CRPPA: variants seen among roughly 807,000 people sequenced by gnomAD.
The protein encoded by CRPPA is D-ribitol-5-phosphate cytidylyltransferase.
In CRPPA, 43 loss-of-function variants were observed where a neutral mutation model predicts 52.0. The observed-to-expected ratio is 0.83, with a 90% CI of 0.65 to 1.07. CRPPA has a LOEUF of 1.07. Among genes scored for constraint, CRPPA ranks in the 50% least tolerant of loss-of-function variants. The pLI, the probability that CRPPA is intolerant of heterozygous loss-of-function variation, is 0.00. For missense variants in CRPPA, 629 were observed against 551.7 expected, an observed-to-expected ratio of 1.14 and a Z score of -1.40; for synonymous variants, 250 against 203.5, an observed-to-expected ratio of 1.23 and a Z score of -1.94.
chr7:16,114,826 A>G (rs987933), intron 9 of CRPPA, among the ~76,000 whole-genome samples: 145,867 of 152,064 alleles, frequency 0.96, 70,260 homozygotes, highest in East Asian at 1. Flanking sequence ...GACAGAAGAG[A>G]GCAGCATTGA....
intron 9 of CRPPA, among the ~76,000 whole-genome samples, chr7:16,211,389 T>G (rs1298439324): frequency 6.6e-6 from 1 of 152,196 alleles, no homozygotes; most frequent in Non-Finnish European, 1.5e-5. Context: ...CAAAAAAGCC[T>G]GATTACTTTG....
rs1781838902 is a variant in CRPPA, at chr7:16,091,628, G to A, written c.*67C>T. ...GAAACATTCTACCACACACAGCAGC[G>A]GGGGCACAAAGCACAATTAAGATAC... is the stretch of plus-strand genomic sequence containing the variant. On this transcript the variant is annotated 3_prime_UTR_variant, in exon 10 of 10. Transcript: ENST00000407010. 20 of 804,480 alleles carry A rather than the reference G, an allele frequency of 2.5e-5. No homozygotes were observed. The highest frequency in any genetic ancestry group is 1.9e-4 in the East Asian group (7 of 35,910). The allele number at this position is 804,480 out of a possible 1,614,324, so 49.8% of individuals were successfully genotyped here. A position where few individuals can be genotyped will look rare whatever the true frequency, so the allele number is the denominator to read the frequency against.
intron 8 of CRPPA, among the ~76,000 whole-genome samples, chr7:16,217,344 G>A (rs1465599296): frequency 9.9e-5 from 15 of 152,022 alleles, no homozygotes; most frequent in Non-Finnish European, 8.8e-5. Flanking sequence ...ATGGGGAAAA[G>A]ACAGAACAGA....
intron 3 of CRPPA, among the ~76,000 whole-genome samples, chr7:16,334,784 C>G (rs1334016028): frequency 6.6e-6 from 1 of 152,104 alleles, no homozygotes; most frequent in East Asian, 1.9e-4. Flanking sequence ...CAAGGTCTGC[C>G]TCTCCTGTGT....
At chr7:16,148,479 T>A (rs1480192018) in intron 9 of CRPPA, among the ~76,000 whole-genome samples, 2 of 152,114 alleles carry the variant, frequency 1.3e-5, no homozygotes, top group Non-Finnish European at 2.9e-5. Flanking sequence ...ATCCTGTCAT[T>A]TGCAGAAGCA....
chr7:16,303,772 A>T (rs936604681), intron 4 of CRPPA, among the ~76,000 whole-genome samples: 3 of 152,206 alleles, frequency 2.0e-5, no homozygotes, highest in Non-Finnish European at 4.4e-5. Context: ...TTTTGAAATT[A>T]CAAAAACCAA....
chr7:16,331,607 TAGAC>T (rs1562636277), intron 3 of CRPPA, among the ~76,000 whole-genome samples: 1 of 152,168 alleles, frequency 6.6e-6, no homozygotes, highest in Non-Finnish European at 1.5e-5. Flanking sequence ...TTCCAGTAGT[TAGAC>T]AGGATGCAAG....
At chr7:16,118,034 A>C (rs1782412630) in intron 9 of CRPPA, among the ~76,000 whole-genome samples, 1 of 152,222 alleles carries the variant, frequency 6.6e-6, no homozygotes, top group Non-Finnish European at 1.5e-5. Context: ...CATGCCATTA[A>C]GATCATCCAA....
chr7:16,147,409 A>G (rs1307107493), intron 9 of CRPPA, among the ~76,000 whole-genome samples: 1 of 152,192 alleles, frequency 6.6e-6, no homozygotes, highest in South Asian at 2.1e-4. Flanking sequence ...CAGTAGCCTG[A>G]TATAATTATG....
intron 3 of CRPPA, among the ~76,000 whole-genome samples, chr7:16,314,522 T>C (rs1034047595): frequency 1.3e-5 from 2 of 152,124 alleles, no homozygotes; most frequent in African/African-American, 4.8e-5. Context: ...CTGAAGTTTT[T>C]CCTTTATGTA....
At chr7:16,149,940 C>T (rs1007697554) in intron 9 of CRPPA, among the ~76,000 whole-genome samples, 2 of 150,426 alleles carry the variant, frequency 1.3e-5, no homozygotes, top group African/African-American at 4.9e-5. Context: ...GAGCCGAGAT[C>T]GCACCACTGC....
intron 8 of CRPPA, among the ~76,000 whole-genome samples, chr7:16,239,765 A>G (rs951670290): frequency 6.6e-6 from 1 of 152,164 alleles, no homozygotes; most frequent in Admixed American, 6.6e-5. Flanking sequence ...TAGCACTGGA[A>G]AATAAATTCA....
intron 9 of CRPPA, among the ~76,000 whole-genome samples, chr7:16,110,164 A>G (rs1259176093): frequency 6.6e-6 from 1 of 152,104 alleles, no homozygotes; most frequent in Non-Finnish European, 1.5e-5. Context: ...AAGGAAATCA[A>G]GAGGACAGTC....
Position 16,351,964 on chromosome 7 carries a change from G to C in CRPPA, c.684+24128C>G, listed in dbSNP as rs561567348. Among the ~76,000 whole-genome samples the C allele has an allele frequency of 4.6e-5, 7 of 152,178 alleles. No homozygotes were observed. The South Asian group carries it at 1.2e-3, about 27-fold the overall frequency. On this transcript the variant is annotated intron_variant, in intron 3 of 9. Coordinates refer to ENST00000407010, the MANE Select transcript of CRPPA (RefSeq NM_001101426.4). ...TTCTACAATAAAGACACATGCATAC[G>C]TATGTTTATTGCAGCACTATTTACA...
At chr7:16,165,478 A>C (rs1781037932) in intron 9 of CRPPA, among the ~76,000 whole-genome samples, 1 of 152,228 alleles carries the variant, frequency 6.6e-6, no homozygotes, top group Non-Finnish European at 1.5e-5. Flanking sequence ...AGTTCTAGGA[A>C]CTAGGTCAAT....
At chr7:16,311,882 C>T (rs1785041496) in intron 3 of CRPPA, among the ~76,000 whole-genome samples, 1 of 152,040 alleles carries the variant, frequency 6.6e-6, no homozygotes, top group Non-Finnish European at 1.5e-5. Flanking sequence ...CAAATCTTTG[C>T]TATATTGTAT....
intron 9 of CRPPA, among the ~76,000 whole-genome samples, chr7:16,209,915 G>A (rs148422935): frequency 1.3e-5 from 2 of 152,234 alleles, no homozygotes; most frequent in South Asian, 2.1e-4. Flanking sequence ...GGCTGAAGAT[G>A]CCCATTTCAA....
intron 9 of CRPPA, among the ~76,000 whole-genome samples, chr7:16,193,888 C>T (rs1781668945): frequency 6.6e-6 from 1 of 152,096 alleles, no homozygotes; most frequent in African/African-American, 2.4e-5. Flanking sequence ...TTTCCCTCAA[C>T]TCTTAAGGAA....
intron 9 of CRPPA, among the ~76,000 whole-genome samples, chr7:16,140,271 C>T (rs776150739): frequency 1.3e-5 from 2 of 152,028 alleles, no homozygotes; most frequent in Non-Finnish European, 2.9e-5. Flanking sequence ...CCTCAGGCTC[C>T]TGAGTAGCTG....
Sources: gnomAD v4.1 joint callset for allele counts (sites outside exome capture counted in the v4.1 genomes callset) on GRCh38, gnomAD v4.1.1 for gene constraint, MANE v1.5 for transcripts, NCBI Gene and HGNC (gene_info 2026-07-23, HGNC 2026-07-21) for gene names.